Variants in FYB1 observed in about 807,000 individuals in gnomAD.
FYB1 encodes FYN binding protein 1.
A neutral mutation model predicts 94.1 loss-of-function variants in FYB1; 41 were observed. That is an observed-to-expected ratio of 0.44 (90% CI 0.34 to 0.57). The LOEUF (loss-of-function observed/expected upper bound fraction) is 0.57, where lower values mean the gene tolerates loss of function less well. Ranked by LOEUF, FYB1 falls within the 20% of genes least tolerant of loss-of-function variation. The probability of loss-of-function intolerance (pLI) is 0.02; values close to 1 mark genes in which losing one functional copy is unlikely to be tolerated. For synonymous variants in FYB1, 367 were observed against 353.2 expected, an observed-to-expected ratio of 1.04 and a Z score of -0.44; for missense variants, 1,050 against 976.8, an observed-to-expected ratio of 1.07 and a Z score of -1.00.
chr5:39,171,139 A>T (rs1010363323), intron 2 of FYB1, among the ~76,000 whole-genome samples: 2 of 151,956 alleles, frequency 1.3e-5, no homozygotes, highest in Admixed American at 6.6e-5. Context: ...AATACAAAAA[A>T]ATTAGCTGGA....
chr5:39,169,492 A>G (rs1745050915), intron 2 of FYB1: 2 of 634,808 alleles, frequency 3.2e-6, no homozygotes, highest in Admixed American at 1.8e-5. Context: ...TTAATCGAAG[A>G]CCCGTTACTA....
At chr5:39,162,764 C>T (rs948224004) in intron 2 of FYB1, among the ~76,000 whole-genome samples, 4 of 151,078 alleles carry the variant, frequency 2.6e-5, no homozygotes, top group Admixed American at 2.6e-4. Flanking sequence ...TTTACCATAA[C>T]TTCACTGGCA....
upstream of FYB1, among the ~76,000 whole-genome samples, chr5:39,224,160 G>C (rs773549638): frequency 6.6e-6 from 1 of 152,172 alleles, no homozygotes; most frequent in Non-Finnish European, 1.5e-5. Flanking sequence ...GGCCATTCCA[G>C]CCATCTTTCA....
intron 1 of FYB1, chr5:39,274,394 G>A (rs1752737382): frequency 6.6e-6 from 1 of 152,092 alleles, no homozygotes; most frequent in Non-Finnish European, 1.5e-5. Flanking sequence ...GAGGGATGTC[G>A]AATCTCACCT....
chr5:39,196,209 T>C (rs554599521), intron 2 of FYB1, among the ~76,000 whole-genome samples: 42 of 41,592 alleles, frequency 1.0e-3, no homozygotes, highest in African/African-American at 7.0e-3. Flanking sequence ...TAATTCTTTC[T>C]TTTTTTTTTT....
intron 1 of FYB1, among the ~76,000 whole-genome samples, chr5:39,218,779 A>AT (rs1173542495): frequency 6.6e-6 from 1 of 152,134 alleles, no homozygotes; most frequent in Admixed American, 6.5e-5. Flanking sequence ...GACCTTGTGA[A>AT]TTTTTCAGAA....
upstream of FYB1, among the ~76,000 whole-genome samples, chr5:39,224,382 T>C (rs1750387899): frequency 6.6e-6 from 1 of 152,158 alleles, no homozygotes; most frequent in Non-Finnish European, 1.5e-5. Flanking sequence ...ACCTTCTGCT[T>C]GCTCACCCAG....
chr5:39,162,634 G>T (rs549381315), intron 2 of FYB1, among the ~76,000 whole-genome samples: 1 of 152,000 alleles, frequency 6.6e-6, no homozygotes, highest in East Asian at 1.9e-4. Flanking sequence ...GCAGTGAGCC[G>T]AGATGGTGCC....
chr5:39,133,151 C>T (rs369156918), intron 9 of FYB1, among the ~76,000 whole-genome samples: 6 of 152,110 alleles, frequency 3.9e-5, no homozygotes, highest in African/African-American at 1.4e-4. Flanking sequence ...TCTTCATGTG[C>T]TTTATAAGTG....
In FYB1 at chr5:39,110,385, A is replaced by G. The variant is rs1738958033; in HGVS notation, c.2406T>C (p.Gly802=). 2 of 1,592,428 alleles carry G rather than the reference A, an allele frequency of 1.3e-6. No homozygotes were observed. The highest frequency in any genetic ancestry group is 2.3e-5 in the South Asian group (2 of 87,802). The part of the protein sequence containing the change: ...VLCRNEEGKY[G]YVLRSYLADN... ...CCGCTAGGTAACTCCGAAGGACATA[A>G]CCATCTACGAAGGAAAAAGGAAATA... Residue 802 remains glycine (G), a synonymous_variant, in exon 17 of 19, where the codon GGT becomes GGC. Coordinates refer to ENST00000512982, the MANE Select transcript of FYB1 (RefSeq NM_001465.6).
At chr5:39,197,675 C>G (rs949176615) in intron 2 of FYB1, among the ~76,000 whole-genome samples, 1 of 152,278 alleles carries the variant, frequency 6.6e-6, no homozygotes, top group African/African-American at 2.4e-5. Flanking sequence ...TAACAGCCAT[C>G]TATACTGGCT....
intron 16 of FYB1, among the ~76,000 whole-genome samples, chr5:39,114,471 C>T (rs1054809358): frequency 6.6e-5 from 10 of 152,080 alleles, no homozygotes; most frequent in Non-Finnish European, 1.0e-4. Flanking sequence ...GCTATCATTA[C>T]GAATTTAGGT....
intron 1 of FYB1, among the ~76,000 whole-genome samples, chr5:39,240,192 A>C (rs746457677): frequency 8.5e-5 from 13 of 152,198 alleles, no homozygotes; most frequent in Non-Finnish European, 1.9e-4. Context: ...TTAAAAACTT[A>C]AATGTAAAAC....
chr5:39,167,778 A>G (rs891056235), intron 2 of FYB1, among the ~76,000 whole-genome samples: 10 of 152,194 alleles, frequency 6.6e-5, no homozygotes, highest in Non-Finnish European at 1.3e-4. Flanking sequence ...GGATCTGCCA[A>G]TTGTCCTCCA....
In FYB1 at chr5:39,201,930, T is replaced by C. The variant is rs1277948454; in HGVS notation, c.1031A>G (p.Gln344Arg). 1 of 1,614,026 alleles carries C rather than the reference T, an allele frequency of 6.2e-7. No homozygotes were observed. Among genetic ancestry groups the C allele is most frequent in the Non-Finnish European group, 8.5e-7 (1 of 1,179,888 alleles). Residue 344 changes from glutamine (Q) to arginine (R), a missense_variant, in exon 2 of 19, where the codon CAG becomes CGG. Transcript: ENST00000512982. ...KGDKNSATPK[Q>R]KPLPPLFTLG... ...GGTAAACAAGGGAGGCAATGGCTTC[T>C]GTTTCGGGGTGGCTGAATTCTTGTC...
At chr5:39,134,149 T>C in intron 9 of FYB1, 59 bp downstream of exon 9, 3 of 1,345,536 alleles carry the variant, frequency 2.2e-6, no homozygotes, top group South Asian at 1.5e-5. Context: ...GATCTTAATA[T>C]ACAAAATTTC....
chr5:39,217,471 A>G (rs906953703), intron 1 of FYB1, among the ~76,000 whole-genome samples: 1 of 152,156 alleles, frequency 6.6e-6, no homozygotes, highest in Non-Finnish European at 1.5e-5. Context: ...CTTGCTCTTA[A>G]AAAACAGTCA....
At chr5:39,199,190 A>C (rs1440479458) in intron 2 of FYB1, among the ~76,000 whole-genome samples, 1 of 152,046 alleles carries the variant, frequency 6.6e-6, no homozygotes, top group East Asian at 1.9e-4. Context: ...AATTTTAAAA[A>C]ATTTTGCTAC....
chr5:39,132,073 A>G (rs769806154), intron 9 of FYB1, among the ~76,000 whole-genome samples: 8 of 152,126 alleles, frequency 5.3e-5, no homozygotes, highest in Non-Finnish European at 8.8e-5. Flanking sequence ...TTTCATATTT[A>G]CTGTAGATAC....
Sources: gnomAD v4.1 joint callset for allele counts (sites outside exome capture counted in the v4.1 genomes callset) on GRCh38, gnomAD v4.1.1 for gene constraint, MANE v1.5 for transcripts, NCBI Gene and HGNC (gene_info 2026-07-23, HGNC 2026-07-21) for gene names.